Variants in ACER3 observed in about 807,000 individuals in gnomAD.
ACER3 encodes the protein alkCDase 3.
ACER3 carries 16 observed loss-of-function variants against 48.9 expected under a neutral mutation model. The observed-to-expected ratio is 0.33, with a 90% CI of 0.22 to 0.50. The LOEUF is 0.50. ACER3 is among the 20% of genes least tolerant of loss of function. ACER3 has a pLI of 0.98. For missense variants in ACER3, 227 were observed against 326.0 expected, an observed-to-expected ratio of 0.70 and a Z score of 2.34; for synonymous variants, 109 against 107.8, an observed-to-expected ratio of 1.01 and a Z score of -0.07.
At chr11:76,913,561 A>G (rs1212142234) in intron 1 of ACER3, among the ~76,000 whole-genome samples, 1 of 152,178 alleles carries the variant, frequency 6.6e-6, no homozygotes, top group Non-Finnish European at 1.5e-5. Flanking sequence ...CCTAATTTAC[A>G]AATGGAAGAA....
chr11:76,874,130 T>C (rs1424812135), intron 1 of ACER3, among the ~76,000 whole-genome samples: 2 of 152,156 alleles, frequency 1.3e-5, no homozygotes, highest in African/African-American at 4.8e-5. Flanking sequence ...ATATTTTATT[T>C]TGGGGAAAGT....
intron 1 of ACER3, among the ~76,000 whole-genome samples, chr11:76,921,289 C>T (rs1946680283): frequency 6.6e-6 from 1 of 152,108 alleles, no homozygotes; most frequent in African/African-American, 2.4e-5. Context: ...TATAGTACCT[C>T]TGGAATTTAT....
At chr11:76,916,070 A>G (rs1020466573) in intron 1 of ACER3, among the ~76,000 whole-genome samples, 1 of 152,242 alleles carries the variant, frequency 6.6e-6, no homozygotes, top group Non-Finnish European at 1.5e-5. Flanking sequence ...AATTTAGTCT[A>G]AATTTAAAAT....
intron 2 of ACER3, among the ~76,000 whole-genome samples, chr11:76,946,198 C>T (rs548883654): frequency 6.6e-6 from 1 of 152,180 alleles, no homozygotes; most frequent in Non-Finnish European, 1.5e-5. Flanking sequence ...CCTGTCCCTC[C>T]TCAGCCAGGC....
intron 2 of ACER3, among the ~76,000 whole-genome samples, chr11:76,952,479 C>T (rs1029897187): frequency 3.3e-5 from 5 of 151,720 alleles, no homozygotes; most frequent in Non-Finnish European, 5.9e-5. Flanking sequence ...AGGCTGGTCT[C>T]GAACTCCTGA....
At chr11:76,874,084 C>T (rs1449238873) in intron 1 of ACER3, among the ~76,000 whole-genome samples, 3 of 152,056 alleles carry the variant, frequency 2.0e-5, no homozygotes, top group Non-Finnish European at 4.4e-5. Context: ...CCAAAAGGGA[C>T]AGTAAAAGCA....
chr11:76,912,208 A>G (rs763220393), intron 1 of ACER3, among the ~76,000 whole-genome samples: 1 of 152,148 alleles, frequency 6.6e-6, no homozygotes, highest in Non-Finnish European at 1.5e-5. Context: ...AAACATAGTG[A>G]CATAGAGAGT....
At chr11:76,886,248 T>C (rs984038289) in intron 1 of ACER3, among the ~76,000 whole-genome samples, 1 of 152,120 alleles carries the variant, frequency 6.6e-6, no homozygotes, top group Non-Finnish European at 1.5e-5. Context: ...ATAGACTTGG[T>C]TTGGTCTAGG....
At chr11:76,939,509 TTC>T (rs1228808217) in intron 2 of ACER3, among the ~76,000 whole-genome samples, 6 of 152,178 alleles carry the variant, frequency 3.9e-5, no homozygotes, top group Non-Finnish European at 8.8e-5. Context: ...GGCAGGAGGA[TTC>T]CTTGAGTCGA....
At chr11:76,969,493 C>T (rs891994996) in intron 3 of ACER3, among the ~76,000 whole-genome samples, 94 of 152,120 alleles carry the variant, frequency 6.2e-4, no homozygotes, top group African/African-American at 2.2e-3. Flanking sequence ...GACACAGGCA[C>T]ACGTATGTTT....
chr11:76,974,831 CTACA>C (rs1281280224), intron 3 of ACER3, among the ~76,000 whole-genome samples: 1 of 152,054 alleles, frequency 6.6e-6, no homozygotes, highest in African/African-American at 2.4e-5. Flanking sequence ...AAAAACTCAC[CTACA>C]TATCCACAAT....
At chr11:76,880,394 C>T (rs563255398) in intron 1 of ACER3, among the ~76,000 whole-genome samples, 2 of 152,296 alleles carry the variant, frequency 1.3e-5, no homozygotes, top group African/African-American at 2.4e-5. Flanking sequence ...CACCAACAGA[C>T]AAGCAATCAG....
At chr11:76,965,206 A>C (rs1264719646) in intron 3 of ACER3, among the ~76,000 whole-genome samples, 1 of 151,418 alleles carries the variant, frequency 6.6e-6, no homozygotes, top group East Asian at 1.9e-4. Flanking sequence ...AAGAAAGGCT[A>C]TCAGTGATGG....
intron 1 of ACER3, among the ~76,000 whole-genome samples, chr11:76,878,050 G>A (rs916156195): frequency 6.6e-6 from 1 of 151,788 alleles, no homozygotes; most frequent in African/African-American, 2.4e-5. Context: ...TCCACTGTAT[G>A]AATACATTCA....
Position 76,958,968 on chromosome 11 carries a change from T to C in ACER3, c.215-11T>C, listed in dbSNP as rs1304963404. The C allele has an allele frequency of 1.2e-6, 2 of 1,613,898 alleles. No individual in the cohort carries two copies. Among genetic ancestry groups the C allele is most frequent in the Non-Finnish European group, 8.5e-7 (1 of 1,179,958 alleles). On this transcript the variant is annotated splice_polypyrimidine_tract_variant and intron_variant, in intron 2 of 10. Coordinates refer to ENST00000532485, the MANE Select transcript of ACER3 (RefSeq NM_018367.7). ...TTTCATGCTAATTTTTTTTCATTTGTTTAATTTCAGTGGTAGGAATGGGAT... is the reference window on the plus strand; with the variant it reads ...TTTCATGCTAATTTTTTTTCATTTGCTTAATTTCAGTGGTAGGAATGGGAT...
At chr11:76,861,160 AC>A in intron 1 of ACER3, 81 bp downstream of exon 1, 3 of 1,366,926 alleles carry the variant, frequency 2.2e-6, no homozygotes, top group Non-Finnish European at 3.0e-6. Context: ...CAAAGAGCGA[AC>A]CTGGCCGCGA....
intron 1 of ACER3, among the ~76,000 whole-genome samples, chr11:76,918,238 G>T (rs1325244398): frequency 1.3e-5 from 2 of 151,120 alleles, no homozygotes; most frequent in African/African-American, 4.8e-5. Context: ...ATTTTTTAAA[G>T]TAAGACACAC....
chr11:76,942,046 TC>T (rs996910647), intron 2 of ACER3, among the ~76,000 whole-genome samples: 2 of 152,124 alleles, frequency 1.3e-5, no homozygotes, highest in African/African-American at 2.4e-5. Context: ...AATTCATTGA[TC>T]AAATCTGAGA....
chr11:76,862,110 A>G (rs1222477565), intron 1 of ACER3, among the ~76,000 whole-genome samples: 1 of 152,226 alleles, frequency 6.6e-6, no homozygotes, highest in Non-Finnish European at 1.5e-5. Context: ...GCTAATGATT[A>G]CTGCCTTCTT....
Sources: allele counts gnomAD v4.1 joint callset (sites outside exome capture counted in the v4.1 genomes callset), GRCh38; gene constraint gnomAD v4.1.1; transcripts MANE v1.5; gene names NCBI Gene and HGNC (gene_info 2026-07-23, HGNC 2026-07-21).